The following KMT2C variants were observed in gnomAD, a reference collection of about 807,000 sequenced individuals.
KMT2C encodes histone-lysine N-methyltransferase 2C.
In KMT2C, 88 loss-of-function variants were observed where a neutral mutation model predicts 507.9. The ratio of observed to expected loss-of-function variants is 0.17; its 90% CI spans 0.15 to 0.21. KMT2C has a LOEUF of 0.21. KMT2C is among the 10% of genes least tolerant of loss of function. The pLI, the probability that KMT2C is intolerant of heterozygous loss-of-function variation, is 1.00. For synonymous variants in KMT2C, 2,049 were observed against 2,080.8 expected, an observed-to-expected ratio of 0.98 and a Z score of 0.42; for missense variants, 4,954 against 5,957.8, an observed-to-expected ratio of 0.83 and a Z score of 5.55.
intron 1 of KMT2C, among the ~76,000 whole-genome samples, chr7:152,433,653 A>T (rs1054470414): frequency 5.9e-5 from 9 of 152,260 alleles, no homozygotes; most frequent in Non-Finnish European, 1.2e-4. Flanking sequence ...AATATTTCCA[A>T]AAGTTTTGAT....
At chr7:152,379,890 G>C (rs1486133385) in intron 1 of KMT2C, among the ~76,000 whole-genome samples, 23 of 151,748 alleles carry the variant, frequency 1.5e-4, no homozygotes, top group African/African-American at 5.6e-4. Context: ...GAGCCCATGG[G>C]TTCGAGACCA....
rs2090096593 is a variant in KMT2C, at chr7:152,138,127, T to C, written c.14643+669A>G. On this transcript the variant is annotated intron_variant, in intron 58 of 58. Transcript: ENST00000262189. The surrounding 1 kb of genome is among the most constrained non-coding windows in gnomAD (Gnocchi z 4.2). ...GGAAATGCCAATTCCAGAACCAAGG[T>C]ACCTGAATCACAGTGGGAAAGACCA... The C allele has an allele frequency of 6.6e-6, 1 of 152,182 alleles. No homozygotes were observed. Among genetic ancestry groups the C allele is most frequent in the Non-Finnish European group, 1.5e-5 (1 of 68,054 alleles). 9.4% of individuals were successfully genotyped at this position (152,182 alleles called of 1,614,324 possible).
intron 31 of KMT2C, 104 bp downstream of exon 31, chr7:152,193,905 G>T: frequency 1.0e-6 from 1 of 974,872 alleles, no homozygotes; most frequent in Non-Finnish European, 1.4e-6. Flanking sequence ...GTTTGTATAC[G>T]TGGCTACTAA....
intron 18 of KMT2C, among the ~76,000 whole-genome samples, chr7:152,224,835 A>G (rs1284904691): frequency 1.3e-5 from 2 of 152,202 alleles, no homozygotes; most frequent in Non-Finnish European, 2.9e-5. Flanking sequence ...CACATATTTT[A>G]ACGCCTTTTT....
At chr7:152,373,795 C>T (rs748083379) in intron 1 of KMT2C, among the ~76,000 whole-genome samples, 1 of 152,010 alleles carries the variant, frequency 6.6e-6, no homozygotes, top group Non-Finnish European at 1.5e-5. Context: ...AACAAAGTTA[C>T]TAGGAATAAC....
At chr7:152,382,238 G>A (rs960597203) in intron 1 of KMT2C, among the ~76,000 whole-genome samples, 5 of 152,110 alleles carry the variant, frequency 3.3e-5, no homozygotes, top group Admixed American at 1.3e-4. Context: ...CAAAAGATAC[G>A]CATTCAACTC....
chr7:152,288,138 A>G (rs888942032), intron 6 of KMT2C, among the ~76,000 whole-genome samples: 2 of 151,706 alleles, frequency 1.3e-5, no homozygotes, highest in Admixed American at 6.6e-5. Context: ...AAAACTAAAA[A>G]ATATGCTAAC....
intron 6 of KMT2C, among the ~76,000 whole-genome samples, chr7:152,274,143 A>C (rs1226535171): frequency 6.6e-6 from 1 of 151,734 alleles, no homozygotes; most frequent in Non-Finnish European, 1.5e-5. Context: ...TTGAAACAAA[A>C]CCTAAAGATT....
At position 152,290,282 on chromosome 7, in the gene KMT2C, ATATATATATATATTTTTTTTTTT is replaced by A. The variant is rs1302229339; in HGVS notation, c.850-16438_850-16416del. Among the ~76,000 whole-genome samples the A allele has an allele frequency of 3.6e-3, 118 of 32,888 alleles. 2 individuals carry two copies. Among genetic ancestry groups the A allele is most frequent in the African/African-American group, 0.015 (112 of 7,380 alleles). The allele number at this position is 32,888 out of a possible 152,430, so 21.6% of individuals were successfully genotyped here. On this transcript the variant is annotated intron_variant, in intron 6 of 58. Coordinates refer to ENST00000262189, the MANE Select transcript of KMT2C (RefSeq NM_170606.3). The stretch of plus-strand genomic sequence containing the variant: ...TGTATATATATATATATATATATAT[ATATATATATATATTTTTTTTTTT>A]TTTTTTTTTTTTTTTTTTTGTCTGA...
chr7:152,231,962 C>G (rs1402681314), intron 16 of KMT2C, among the ~76,000 whole-genome samples: 1 of 151,650 alleles, frequency 6.6e-6, no homozygotes, highest in African/African-American at 2.4e-5. Context: ...TCAGTGCAAG[C>G]TCTGTCTCCC....
chr7:152,251,849 T>A, intron 11 of KMT2C, 90 bp downstream of exon 11: 1 of 823,310 alleles, frequency 1.2e-6, no homozygotes, highest in Non-Finnish European at 1.7e-6. Context: ...TACAGGATCC[T>A]CTCTTCCTGA....
chr7:152,228,982 T>C (rs930842075), intron 18 of KMT2C, among the ~76,000 whole-genome samples: 5 of 152,186 alleles, frequency 3.3e-5, no homozygotes, highest in African/African-American at 1.2e-4. Flanking sequence ...TATTACCCTA[T>C]AAAATAAATA....
At chr7:152,243,243 AAT>A (rs1490145973) in intron 14 of KMT2C, among the ~76,000 whole-genome samples, 1 of 152,200 alleles carries the variant, frequency 6.6e-6, no homozygotes, top group Non-Finnish European at 1.5e-5. Context: ...TAGCAACAGT[AAT>A]ATCTCCAAAA....
intron 2 of KMT2C, among the ~76,000 whole-genome samples, chr7:152,342,295 A>T (rs1276486879): frequency 6.6e-6 from 1 of 152,202 alleles, no homozygotes; most frequent in Non-Finnish European, 1.5e-5. Context: ...GGTAATCTTG[A>T]TATTAAATCC....
chr7:152,178,074 A>G, intron 37 of KMT2C, 64 bp from the exon 38 acceptor site: 1 of 1,332,528 alleles, frequency 7.5e-7, no homozygotes, highest in Non-Finnish European at 9.6e-7. Flanking sequence ...TTTAGAGTTA[A>G]GTTGAAAAAA....
At chr7:152,308,692 A>AG (rs2096642437) in intron 6 of KMT2C, among the ~76,000 whole-genome samples, 1 of 147,138 alleles carries the variant, frequency 6.8e-6, no homozygotes, top group Non-Finnish European at 1.5e-5. Context: ...AAAAAAAAAA[A>AG]AAAAAAAAGG....
Position 152,432,645 on chromosome 7 carries a change from G to C in KMT2C, c.161+2981C>G, listed in dbSNP as rs554235240. 1.1e-4 allele frequency among the ~76,000 whole-genome samples: 16 copies of C among 152,184 alleles called. 1 individual carries two copies. Among genetic ancestry groups the C allele is most frequent in the Admixed American group, 5.9e-4 (9 of 15,282 alleles). ...TTGATTTTAGGTAGTAAAATTTTAAGATATTTATAGTTAATGTAAAAGCAG... is the reference window on the plus strand; with the variant it reads ...TTGATTTTAGGTAGTAAAATTTTAACATATTTATAGTTAATGTAAAAGCAG... On this transcript the variant is annotated intron_variant, in intron 1 of 58. Coordinates refer to ENST00000262189, the MANE Select transcript of KMT2C (RefSeq NM_170606.3).
chr7:152,135,821 G>GC lies in KMT2C; in HGVS notation c.*1010dup. On this transcript the variant is annotated 3_prime_UTR_variant, in exon 59 of 59. Coordinates refer to ENST00000262189, the MANE Select transcript of KMT2C (RefSeq NM_170606.3). ...TATAAAAGTTGTAGTCGTAGCATACGCCCCGCTCTGTCAGAAGTAAGGTGT... is the reference window on the plus strand; with the variant it reads ...TATAAAAGTTGTAGTCGTAGCATACGCCCCCGCTCTGTCAGAAGTAAGGTGT... The GC allele has an allele frequency of 4.3e-6, 1 of 230,560 alleles. No homozygotes were observed. The highest frequency in any genetic ancestry group is 6.2e-5 in the East Asian group (1 of 16,096). The allele number at this position is 230,560 out of a possible 1,614,324, so 14.3% of individuals were successfully genotyped here.
intron 2 of KMT2C, among the ~76,000 whole-genome samples, chr7:152,343,053 T>TTG (rs1461058272): frequency 6.6e-6 from 1 of 152,114 alleles, no homozygotes. Flanking sequence ...TTTACAGCTG[T>TTG]TGTCTTTACC....
Sources: allele counts gnomAD v4.1 joint callset (sites outside exome capture counted in the v4.1 genomes callset), GRCh38; gene constraint gnomAD v4.1.1; non-coding constraint Gnocchi (gnomAD v3.1); transcripts MANE v1.5; gene names NCBI Gene and HGNC (gene_info 2026-07-23, HGNC 2026-07-21).